CPSF6: variants seen among roughly 807,000 people sequenced by gnomAD.
CPSF6 encodes the protein cleavage and polyadenylation specificity factor subunit 6.
Under a neutral mutation model 56.7 loss-of-function variants are expected in CPSF6, and 10 were observed. That is an observed-to-expected ratio of 0.18 (90% CI 0.11 to 0.30). The LOEUF (loss-of-function observed/expected upper bound fraction) is 0.30, where lower values mean the gene tolerates loss of function less well. Ranked by LOEUF, CPSF6 falls within the 10% of genes least tolerant of loss-of-function variation. The pLI is 1.00. For missense variants in CPSF6, 419 were observed against 722.9 expected (o/e 0.58, Z 4.82); for synonymous variants, 248 against 244.8 (o/e 1.01, Z -0.12).
Position 69,239,658 on chromosome 12 carries a change from C to T in CPSF6, c.12C>T (p.Gly4=). The T allele has an allele frequency of 6.3e-7, 1 of 1,584,374 alleles. No homozygotes were observed. Reference sequence around the variant, plus strand: ...GAGGCTGAAGGAAGATGGCGGACGGCGTGGACCACATAGACATTTACGCGG... The same window carrying T: ...GAGGCTGAAGGAAGATGGCGGACGGTGTGGACCACATAGACATTTACGCGG... MAD[G]VDHIDIYADV... The change falls in exon 1 of 10, where the codon GGC becomes GGT. Residue 4 remains glycine (G), a synonymous_variant. Transcript: ENST00000435070.
chr12:69,240,119 T>A (rs1232917781), intron 1 of CPSF6, among the ~76,000 whole-genome samples: 3 of 150,340 alleles, frequency 2.0e-5, no homozygotes, highest in African/African-American at 7.3e-5. Context: ...GAGGAAGCCC[T>A]GGCGGGGCGC....
At chr12:69,241,800 T>G (rs1441231140) in intron 1 of CPSF6, among the ~76,000 whole-genome samples, 2 of 152,258 alleles carry the variant, frequency 1.3e-5, no homozygotes, top group Non-Finnish European at 2.9e-5. Context: ...TATGTTTGAA[T>G]AGATTAATGG....
chr12:69,263,888 T>C (rs1424195960), intron 9 of CPSF6, among the ~76,000 whole-genome samples: 1 of 152,094 alleles, frequency 6.6e-6, no homozygotes, highest in African/African-American at 2.4e-5. Flanking sequence ...GCAGATTGAA[T>C]ATCAAAACTT....
intron 3 of CPSF6, chr12:69,255,283 G>C (rs1393350414): frequency 6.6e-6 from 1 of 152,106 alleles, no homozygotes; most frequent in Non-Finnish European, 1.5e-5. Context: ...TAATCTATCA[G>C]TCGATGGACG....
chr12:69,250,546 G>A (rs568660233), intron 1 of CPSF6, among the ~76,000 whole-genome samples: 13 of 142,256 alleles, frequency 9.1e-5, no homozygotes, highest in African/African-American at 1.3e-4. Context: ...TTGAACTCAG[G>A]AGTTCGAAAC....
chr12:69,240,323 C>T (rs1178661930), intron 1 of CPSF6, among the ~76,000 whole-genome samples: 1 of 152,218 alleles, frequency 6.6e-6, no homozygotes, highest in Non-Finnish European at 1.5e-5. Flanking sequence ...GCGCCTTCCT[C>T]CTCCCCTCAC....
At chr12:69,251,718 C>A (rs1393480295) in intron 2 of CPSF6, among the ~76,000 whole-genome samples, 2 of 152,002 alleles carry the variant, frequency 1.3e-5, no homozygotes, top group African/African-American at 4.8e-5. Context: ...TAGTATCACT[C>A]CTGGTTTAAA....
chr12:69,263,932 A>G (rs1258349505), intron 9 of CPSF6, among the ~76,000 whole-genome samples: 1 of 152,096 alleles, frequency 6.6e-6, no homozygotes, highest in Non-Finnish European at 1.5e-5. Flanking sequence ...ACAAAATTTA[A>G]TATAAATCTC....
intron 1 of CPSF6, 41 bp downstream of exon 1, chr12:69,239,747 G>C: frequency 1.9e-6 from 3 of 1,547,974 alleles, no homozygotes; most frequent in Admixed American, 1.9e-5. Flanking sequence ...CGCGGGCGGC[G>C]CTGCGGCCGG....
At chr12:69,264,350 A>T (rs1278749260) in intron 9 of CPSF6, among the ~76,000 whole-genome samples, 1 of 152,146 alleles carries the variant, frequency 6.6e-6, no homozygotes, top group Non-Finnish European at 1.5e-5. Flanking sequence ...CCTCTAAACC[A>T]ATTTAAGCCC....
At chr12:69,265,801 C>T (rs1328634924) in intron 9 of CPSF6, among the ~76,000 whole-genome samples, 1 of 151,746 alleles carries the variant, frequency 6.6e-6, no homozygotes, top group Non-Finnish European at 1.5e-5. Flanking sequence ...GGGGTTTCTC[C>T]ATGTTGGTCA....
intron 1 of CPSF6, among the ~76,000 whole-genome samples, chr12:69,241,479 A>T (rs1210634632): frequency 6.6e-6 from 1 of 152,188 alleles, no homozygotes; most frequent in Non-Finnish European, 1.5e-5. Context: ...ACATTGGTTC[A>T]CCTTTCTATG....
intron 8 of CPSF6, among the ~76,000 whole-genome samples, chr12:69,261,779 C>T (rs1872750646): frequency 6.6e-6 from 1 of 152,132 alleles, no homozygotes; most frequent in Admixed American, 6.5e-5. Flanking sequence ...AATCGCAGTT[C>T]ATGAAACATT....
At position 69,270,406 on chromosome 12, in the gene CPSF6, T is replaced by A. The variant is rs1409634582; in HGVS notation, c.*898T>A. 6.6e-6 allele frequency: 1 copy of A among 152,176 alleles called. No homozygotes were observed. Among genetic ancestry groups the A allele is most frequent in the African/African-American group, 2.4e-5 (1 of 41,422 alleles). 9.4% of individuals were successfully genotyped at this position (152,176 alleles called of 1,614,324 possible). On this transcript the variant is annotated 3_prime_UTR_variant, in exon 10 of 10. Transcript: ENST00000435070. ...ACCGAAACACTTAATTGTGAACCGC[T>A]AACATTGAAGAAATTTTGACAATTC...
chr12:69,261,868 TCTC>T (rs1339484193), intron 8 of CPSF6, among the ~76,000 whole-genome samples: 1 of 152,182 alleles, frequency 6.6e-6, no homozygotes, highest in East Asian at 1.9e-4. Context: ...CCATGCCTCT[TCTC>T]CTCCCCTGAA....
intron 1 of CPSF6, among the ~76,000 whole-genome samples, chr12:69,249,855 C>G (rs1872140875): frequency 1.3e-5 from 2 of 151,856 alleles, no homozygotes; most frequent in African/African-American, 4.8e-5. Flanking sequence ...TTTCCTTTTC[C>G]CTGATTATCA....
At chr12:69,247,821 A>G (rs941925239) in intron 1 of CPSF6, among the ~76,000 whole-genome samples, 5 of 152,220 alleles carry the variant, frequency 3.3e-5, no homozygotes, top group African/African-American at 4.8e-5. Flanking sequence ...TGATAACTAC[A>G]AAAGAGTGTG....
chr12:69,257,973 T>C, intron 5 of CPSF6, 68 bp downstream of exon 5: 1 of 1,576,516 alleles, frequency 6.3e-7, no homozygotes, highest in Non-Finnish European at 8.7e-7. Context: ...TTTTCTCTCT[T>C]TTTCAAGTAA....
intron 8 of CPSF6, among the ~76,000 whole-genome samples, chr12:69,261,349 G>A (rs953121457): frequency 3.9e-5 from 6 of 152,148 alleles, no homozygotes; most frequent in African/African-American, 9.7e-5. Context: ...GGAGGATCAC[G>A]TGAGCCCCAG....
Sources: allele counts gnomAD v4.1 joint callset (sites outside exome capture counted in the v4.1 genomes callset), GRCh38; gene constraint gnomAD v4.1.1; transcripts MANE v1.5; gene names NCBI Gene and HGNC (gene_info 2026-07-23, HGNC 2026-07-21).